GRM7: variants seen among roughly 807,000 people sequenced by gnomAD.
GRM7 encodes the protein glutamate metabotropic receptor 7.
Under a neutral mutation model 84.5 loss-of-function variants are expected in GRM7, and 35 were observed. The observed-to-expected ratio is 0.41, with a 90% CI of 0.32 to 0.55. The LOEUF (loss-of-function observed/expected upper bound fraction) is 0.55, where lower values mean the gene tolerates loss of function less well. GRM7 is among the 20% of genes least tolerant of loss of function. The pLI is 0.19. For synonymous variants in GRM7, 487 were observed against 455.1 expected (o/e 1.07, Z -0.89); for missense variants, 1,003 against 1,194.6 (o/e 0.84, Z 2.36).
intron 4 of GRM7, among the ~76,000 whole-genome samples, chr3:7,331,507 T>A (rs1047393748): frequency 5.3e-5 from 8 of 152,202 alleles, no homozygotes; most frequent in Admixed American, 3.9e-4. Flanking sequence ...GACACAAATA[T>A]TCCACTCTGA....
At chr3:7,250,884 G>T (rs1017418856) in intron 2 of GRM7, among the ~76,000 whole-genome samples, 5 of 152,140 alleles carry the variant, frequency 3.3e-5, no homozygotes, top group Admixed American at 3.3e-4. Context: ...TGCATGGTAG[G>T]TACTTGAAAA....
intron 1 of GRM7, among the ~76,000 whole-genome samples, chr3:6,927,862 C>G (rs1456696046): frequency 6.6e-6 from 1 of 152,038 alleles, no homozygotes; most frequent in South Asian, 2.1e-4. Context: ...TCCTATTATT[C>G]GGCACTTAAG....
intron 4 of GRM7, among the ~76,000 whole-genome samples, chr3:7,328,002 C>T (rs1197034676): frequency 6.6e-6 from 1 of 152,114 alleles, no homozygotes; most frequent in African/African-American, 2.4e-5. Flanking sequence ...TGATTTTGGT[C>T]AGGGCTACTA....
chr3:7,338,142 A>ACACACACC (rs749231377), intron 4 of GRM7, among the ~76,000 whole-genome samples: 4 of 148,774 alleles, frequency 2.7e-5, no homozygotes, highest in African/African-American at 1.0e-4. Context: ...ACACACACAC[A>ACACACACC]CCCCATGGAA....
chr3:7,087,572 C>T (rs1032206942), intron 1 of GRM7, among the ~76,000 whole-genome samples: 6 of 151,992 alleles, frequency 3.9e-5, no homozygotes, highest in Non-Finnish European at 5.9e-5. Flanking sequence ...TCTTTATTCC[C>T]TGATAAAATT....
intron 4 of GRM7, among the ~76,000 whole-genome samples, chr3:7,326,925 C>G (rs924099445): frequency 2.0e-5 from 3 of 151,940 alleles, no homozygotes; most frequent in South Asian, 4.1e-4. Flanking sequence ...TTTCTCCTCA[C>G]TACACTTATC....
chr3:7,737,370 A>G (rs1277308489), intron 9 of GRM7, among the ~76,000 whole-genome samples: 2 of 152,210 alleles, frequency 1.3e-5, no homozygotes, highest in Non-Finnish European at 2.9e-5. Flanking sequence ...AATAGGGACA[A>G]TGCCATATAC....
chr3:7,352,099 A>ACT (rs1553565403), intron 4 of GRM7, among the ~76,000 whole-genome samples: 6 of 144,668 alleles, frequency 4.1e-5, no homozygotes, highest in East Asian at 2.1e-4. Context: ...ACACACACAC[A>ACT]CTCATATTCT....
chr3:7,568,226 A>G (rs1205892874), intron 7 of GRM7, among the ~76,000 whole-genome samples: 6 of 151,778 alleles, frequency 4.0e-5, no homozygotes, highest in Admixed American at 2.6e-4. Flanking sequence ...TGTACTCTCA[A>G]TAGTGCATCA....
chr3:6,987,478 C>T lies in GRM7; in HGVS notation c.519+125571C>T, dbSNP rs199502233. On this transcript the variant is annotated intron_variant, in intron 1 of 9. Transcript: ENST00000357716. Reference sequence around the variant, plus strand: ...AACAAGGTGGTCAGAGAAGACCTCTCGAAGACATGGGTTGTGACTTCGGTA... The same window carrying T: ...AACAAGGTGGTCAGAGAAGACCTCTTGAAGACATGGGTTGTGACTTCGGTA... Among the ~76,000 whole-genome samples the T allele has an allele frequency of 2.6e-5, 4 of 151,820 alleles. No homozygotes were observed. The East Asian group carries it at 7.7e-4, about 29-fold the overall frequency.
chr3:7,248,771 G>T (rs576039040), intron 2 of GRM7, among the ~76,000 whole-genome samples: 2 of 151,926 alleles, frequency 1.3e-5, no homozygotes, highest in African/African-American at 2.4e-5. Flanking sequence ...CAGATATGCC[G>T]CTTGCAAATC....
At chr3:7,210,837 T>C (rs966211438) in intron 2 of GRM7, among the ~76,000 whole-genome samples, 9 of 152,014 alleles carry the variant, frequency 5.9e-5, no homozygotes, top group African/African-American at 1.4e-4. Context: ...AATGTTCTGT[T>C]TTGTGCCTTG....
Position 6,861,990 on chromosome 3 carries a change from T to G in GRM7, c.519+83T>G. 1 of 1,205,794 alleles carries G rather than the reference T, an allele frequency of 8.3e-7. No homozygotes were observed. Among genetic ancestry groups the G allele is most frequent in the East Asian group, 2.4e-5 (1 of 41,490 alleles). The allele number at this position is 1,205,794 out of a possible 1,614,324, so 74.7% of individuals were successfully genotyped here. On this transcript the variant is annotated intron_variant, in intron 1 of 9. Coordinates refer to ENST00000357716, the MANE Select transcript of GRM7 (RefSeq NM_000844.4). The surrounding 1 kb of genome is among the most constrained non-coding windows in gnomAD (Gnocchi z 6.4). The stretch of plus-strand genomic sequence containing the variant: ...TAAAAGCTGGCTTGGACTCCGGTGG[T>G]GCGGGTCAGGTCAGCCTTCGCTCAT...
At chr3:7,322,345 A>G (rs1047068472) in intron 4 of GRM7, among the ~76,000 whole-genome samples, 2 of 152,084 alleles carry the variant, frequency 1.3e-5, no homozygotes, top group East Asian at 1.9e-4. Flanking sequence ...GGATTTCATT[A>G]TAAGAGCTAT....
rs953234723 is a variant in GRM7, at chr3:6,863,985, C to G, written c.519+2078C>G. ...CTGATTCCTTCTCTGGTGTGTGAACCTGAGGCAACTTGCTAGTGGTGAAAA... is the reference window on the plus strand; with the variant it reads ...CTGATTCCTTCTCTGGTGTGTGAACGTGAGGCAACTTGCTAGTGGTGAAAA... On this transcript the variant is annotated intron_variant, in intron 1 of 9. Coordinates refer to ENST00000357716, the MANE Select transcript of GRM7 (RefSeq NM_000844.4). The surrounding 1 kb of genome is among the most constrained non-coding windows in gnomAD (Gnocchi z 4.8). Among the ~76,000 whole-genome samples the G allele has an allele frequency of 6.6e-6, 1 of 152,010 alleles. No homozygotes were observed. The highest frequency in any genetic ancestry group is 2.4e-5 in the African/African-American group (1 of 41,376).
chr3:7,048,221 A>T (rs536467163), intron 1 of GRM7, among the ~76,000 whole-genome samples: 1 of 152,044 alleles, frequency 6.6e-6, no homozygotes, highest in East Asian at 1.9e-4. Flanking sequence ...TCCTTATCCA[A>T]GCATAACTGA....
At chr3:7,523,717 C>G (rs376706371) in intron 7 of GRM7, among the ~76,000 whole-genome samples, 1 of 152,064 alleles carries the variant, frequency 6.6e-6, no homozygotes, top group East Asian at 1.9e-4. Context: ...TTTAGAAAAG[C>G]TAGTCATCAA....
chr3:7,298,903 C>T, intron 3 of GRM7, 78 bp downstream of exon 3: 3 of 1,294,720 alleles, frequency 2.3e-6, no homozygotes, highest in South Asian at 2.4e-5. Context: ...CTGGCTGAGA[C>T]AGGAAAAGAT....
At chr3:7,494,650 T>C (rs190622432) in intron 7 of GRM7, among the ~76,000 whole-genome samples, 5 of 152,292 alleles carry the variant, frequency 3.3e-5, no homozygotes, top group African/African-American at 1.2e-4. Flanking sequence ...TATCAGTCTG[T>C]TGTCTGTTTT....
Sources: allele counts gnomAD v4.1 joint callset (sites outside exome capture counted in the v4.1 genomes callset), GRCh38; gene constraint gnomAD v4.1.1; non-coding constraint Gnocchi (gnomAD v3.1); transcripts MANE v1.5; gene names NCBI Gene and HGNC (gene_info 2026-07-23, HGNC 2026-07-21).